ZFHX3: variants seen among roughly 807,000 people sequenced by gnomAD.
The protein encoded by ZFHX3 is zinc finger homeobox protein 3.
ZFHX3 carries 42 observed loss-of-function variants against 279.1 expected under a neutral mutation model. The ratio of observed to expected loss-of-function variants is 0.15; its 90% CI spans 0.12 to 0.19. The LOEUF (loss-of-function observed/expected upper bound fraction) is 0.19, where lower values mean the gene tolerates loss of function less well. ZFHX3 is among the 10% of genes least tolerant of loss of function. ZFHX3 has a pLI of 1.00. For synonymous variants in ZFHX3, 2,293 were observed against 1,957.8 expected (o/e 1.17, Z -4.52); for missense variants, 4,981 against 4,754.0 (o/e 1.05, Z -1.40).
chr16:73,550,098 C>G (rs1025640422), intron 2 of ZFHX3, among the ~76,000 whole-genome samples: 2 of 152,068 alleles, frequency 1.3e-5, no homozygotes, highest in African/African-American at 4.8e-5. Context: ...TGTCAGAGGG[C>G]ATTGATCAGC....
chr16:73,468,980 C>T (rs2143597715), intron 2 of ZFHX3, among the ~76,000 whole-genome samples: 1 of 152,302 alleles, frequency 6.6e-6, no homozygotes, highest in African/African-American at 2.4e-5. Flanking sequence ...TAGAATTTAA[C>T]AAGCAAAGTT....
At chr16:73,672,215 A>G (rs1050023764) in intron 2 of ZFHX3, among the ~76,000 whole-genome samples, 5 of 152,204 alleles carry the variant, frequency 3.3e-5, no homozygotes, top group Non-Finnish European at 5.9e-5. Context: ...GCATATTCCC[A>G]TCTCAGAATC....
chr16:72,787,379 G>A lies in ZFHX3; in HGVS notation c.10897C>T (p.Pro3633Ser), dbSNP rs540323473. Reference protein sequence around the residue: ...RASAAKPPSFPPLSSSSTVTS... With the variant: ...RASAAKPPSFSPLSSSSTVTS... ...ACCGTTGAAGATGAGGAGAGAGGAGGAAAAGAAGGGGGCTTCGCTGCCGAA... is the reference window on the plus strand; with the variant it reads ...ACCGTTGAAGATGAGGAGAGAGGAGAAAAAGAAGGGGGCTTCGCTGCCGAA... The change falls in exon 10 of 10, where the codon CCT becomes TCT. Residue 3633 changes from proline (P) to serine (S), a missense_variant. Around this residue, in one of 7 missense-constraint regions of ZFHX3, gnomAD observed 1,034 missense variants for 786.0 expected, o/e 1.32. Transcript: ENST00000268489. 1.6e-5 allele frequency: 25 copies of A among 1,603,538 alleles called. No homozygotes were observed. The African/African-American group carries it at 1.7e-4, about 11-fold the overall frequency.
rs148884950 is a variant in ZFHX3, at chr16:72,910,375, G to A, written c.3217-20413C>T. 1.9e-3 allele frequency among the ~76,000 whole-genome samples: 285 copies of A among 152,284 alleles called. 1 individual carries two copies. Among genetic ancestry groups the A allele is most frequent in the African/African-American group, 6.5e-3 (272 of 41,556 alleles). ...CATGCTCTTGCTTCCTTCCTAAGATGCTCTTAAGAGCTGACGCTAGGACAT... is the reference window on the plus strand; with the variant it reads ...CATGCTCTTGCTTCCTTCCTAAGATACTCTTAAGAGCTGACGCTAGGACAT... On this transcript the variant is annotated intron_variant, in intron 3 of 9. Transcript: ENST00000268489.
At chr16:73,284,316 C>CAAAA (rs71156152) in intron 4 of ZFHX3, among the ~76,000 whole-genome samples, 62 of 83,218 alleles carry the variant, frequency 7.5e-4, no homozygotes, top group Admixed American at 1.0e-3. Context: ...GACTCTGTCT[C>CAAAA]AAAAAAAAAA....
At chr16:73,858,268 T>A (rs532453359) in intron 1 of ZFHX3, among the ~76,000 whole-genome samples, 5 of 152,166 alleles carry the variant, frequency 3.3e-5, no homozygotes, top group African/African-American at 1.2e-4. Flanking sequence ...AGACTGAGAA[T>A]CATAAATAAA....
intron 1 of ZFHX3, among the ~76,000 whole-genome samples, chr16:73,852,221 G>T (rs1961610248): frequency 6.6e-6 from 1 of 152,146 alleles, no homozygotes; most frequent in Non-Finnish European, 1.5e-5. Flanking sequence ...CACCATGCCA[G>T]AAAATCATGA....
chr16:73,268,763 G>C (rs949518701), intron 4 of ZFHX3, among the ~76,000 whole-genome samples: 3 of 152,158 alleles, frequency 2.0e-5, no homozygotes, highest in African/African-American at 4.8e-5. Flanking sequence ...CCTTGGTCAG[G>C]GATAACCATG....
At chr16:73,578,044 C>T (rs1391080722) in intron 2 of ZFHX3, among the ~76,000 whole-genome samples, 5 of 152,200 alleles carry the variant, frequency 3.3e-5, no homozygotes, top group African/African-American at 4.8e-5. Context: ...TTGATCACTA[C>T]GACAAACCAA....
At chr16:73,268,100 G>C (rs1031644495) in intron 4 of ZFHX3, among the ~76,000 whole-genome samples, 3 of 152,192 alleles carry the variant, frequency 2.0e-5, no homozygotes, top group African/African-American at 7.2e-5. Flanking sequence ...GAAACACAAA[G>C]TAGGATGTGA....
chr16:72,974,093 C>G (rs149398728), intron 1 of ZFHX3, among the ~76,000 whole-genome samples: 1 of 152,254 alleles, frequency 6.6e-6, no homozygotes, highest in African/African-American at 2.4e-5. Context: ...CTGCACAAAC[C>G]CAAGAGAAAT....
intron 2 of ZFHX3, among the ~76,000 whole-genome samples, chr16:73,496,181 C>T (rs188832907): frequency 1.3e-5 from 2 of 152,232 alleles, no homozygotes; most frequent in African/African-American, 4.8e-5. Context: ...CAGTTGGAAG[C>T]CCCTAGGCCC....
At chr16:73,109,309 C>T (rs1198244187) in intron 7 of ZFHX3, among the ~76,000 whole-genome samples, 1 of 152,126 alleles carries the variant, frequency 6.6e-6, no homozygotes, top group African/African-American at 2.4e-5. Flanking sequence ...TTTCACCCAA[C>T]AGTCCATCTC....
intron 2 of ZFHX3, among the ~76,000 whole-genome samples, chr16:73,561,087 G>T (rs1416284743): frequency 6.6e-6 from 1 of 152,188 alleles, no homozygotes; most frequent in Non-Finnish European, 1.5e-5. Flanking sequence ...CTACTGAAAA[G>T]AAATTATTTG....
intron 4 of ZFHX3, among the ~76,000 whole-genome samples, chr16:73,272,751 C>A (rs1031752167): frequency 6.6e-6 from 1 of 151,912 alleles, no homozygotes; most frequent in African/African-American, 2.4e-5. Flanking sequence ...ATCTTTAATG[C>A]AATGTTGTTT....
rs34141418 is a variant in ZFHX3 at position 73,054,442 on chromosome 16, ATTTTTTTTTTTT to A, written c.-24+4076_-24+4087del. 1.2e-4 allele frequency among the ~76,000 whole-genome samples: 11 copies of A among 91,928 alleles called. No homozygotes were observed. The East Asian group carries it at 2.3e-3, about 20-fold the overall frequency. 60.3% of individuals were successfully genotyped at this position (91,928 alleles called of 152,430 possible). A position where few individuals can be genotyped will look rare whatever the true frequency, so the allele number is the denominator to read the frequency against. ...GGAGGTCGGTATGGAAACCAGGAGG[ATTTTTTTTTTTT>A]TTTTTTTTTTTTTTAGGAAATCCAC... On this transcript the variant is annotated intron_variant, in intron 1 of 8. Coordinates refer to the ZFHX3 transcript ENST00000397992.
intron 2 of ZFHX3, among the ~76,000 whole-genome samples, chr16:73,516,270 C>G (rs1375401437): frequency 6.6e-6 from 1 of 152,150 alleles, no homozygotes; most frequent in African/African-American, 2.4e-5. Flanking sequence ...TCTTTGTAAC[C>G]AGGGCTTACA....
intron 2 of ZFHX3, among the ~76,000 whole-genome samples, chr16:73,616,610 G>T (rs1291604592): frequency 4.6e-5 from 7 of 151,870 alleles, no homozygotes; most frequent in Admixed American, 2.6e-4. Context: ...CAATGTGTGT[G>T]TGTACATATA....
intron 5 of ZFHX3, among the ~76,000 whole-genome samples, chr16:73,174,678 C>T (rs532683285): frequency 1.3e-5 from 2 of 152,090 alleles, no homozygotes; most frequent in East Asian, 1.9e-4. Context: ...TCTCCTGCCC[C>T]ATTGCAGTCC....
Sources: allele counts gnomAD v4.1 joint callset (sites outside exome capture counted in the v4.1 genomes callset), GRCh38; gene constraint gnomAD v4.1.1; regional missense constraint gnomAD v4.1.1; transcripts MANE v1.5; gene names NCBI Gene and HGNC (gene_info 2026-07-23, HGNC 2026-07-21).